The following HEATR5A variants were observed in gnomAD, a reference collection of about 807,000 sequenced individuals.
HEATR5A encodes the protein HEAT repeat-containing protein 5A.
A neutral mutation model predicts 218.8 loss-of-function variants in HEATR5A; 178 were observed. The ratio of observed to expected loss-of-function variants is 0.81; its 90% CI spans 0.72 to 0.92. The LOEUF (loss-of-function observed/expected upper bound fraction) is 0.92, where lower values mean the gene tolerates loss of function less well. HEATR5A is among the 40% of genes least tolerant of loss of function. The pLI is 0.00. For missense variants in HEATR5A, 2,420 were observed against 2,418.9 expected, an observed-to-expected ratio of 1.00 and a Z score of -0.01; for synonymous variants, 864 against 871.6, an observed-to-expected ratio of 0.99 and a Z score of 0.15.
intron 18 of HEATR5A, among the ~76,000 whole-genome samples, chr14:31,349,572 T>C (rs560288341): frequency 6.6e-6 from 1 of 152,348 alleles, no homozygotes; most frequent in African/African-American, 2.4e-5. Context: ...TTCTGATCTT[T>C]CTTATTATAT....
chr14:31,400,315 A>G lies in HEATR5A; in HGVS notation c.324T>C (p.Tyr108=). 1 of 1,533,490 alleles carries G rather than the reference A, an allele frequency of 6.5e-7. No individual in the cohort carries two copies. The highest frequency in any genetic ancestry group is 8.7e-7 in the Non-Finnish European group (1 of 1,144,818). The allele number at this position is 1,533,490 out of a possible 1,614,324, so 95.0% of individuals were successfully genotyped here. A position where few individuals can be genotyped will look rare whatever the true frequency, so the allele number is the denominator to read the frequency against. Residue 108 remains tyrosine, a synonymous_variant, in exon 3 of 36, where the codon TAT becomes TAC. Coordinates refer to ENST00000543095, the MANE Select transcript of HEATR5A (RefSeq NM_015473.4). ...LIRSKDDSPS[Y]LPTKLAAVVC... Reference sequence around the variant, plus strand: ...GTTTCACTTACAGCTTAGTGGGAAGATAACTTGGAGAATCATCTTTGCTAC... The same window carrying G: ...GTTTCACTTACAGCTTAGTGGGAAGGTAACTTGGAGAATCATCTTTGCTAC...
At chr14:31,419,300 G>A (rs1001893513) in intron 1 of HEATR5A, among the ~76,000 whole-genome samples, 2 of 151,806 alleles carry the variant, frequency 1.3e-5, no homozygotes, top group African/African-American at 2.4e-5. Flanking sequence ...AAAAGTCAAT[G>A]GCATTAAAAT....
At chr14:31,346,710 A>T (rs1901034748) in intron 19 of HEATR5A, among the ~76,000 whole-genome samples, 1 of 152,204 alleles carries the variant, frequency 6.6e-6, no homozygotes, top group Non-Finnish European at 1.5e-5. Context: ...AAGTGGCAAG[A>T]TGAAAATCTT....
Position 31,302,294 on chromosome 14 carries a change from C to A in HEATR5A, c.5464+1G>T. The A allele has an allele frequency of 6.3e-7, 1 of 1,581,136 alleles. No homozygotes were observed. Among genetic ancestry groups the A allele is most frequent in the Non-Finnish European group, 8.6e-7 (1 of 1,160,926 alleles). On this transcript the variant is annotated splice_donor_variant, in intron 33 of 35. Coordinates refer to ENST00000543095, the MANE Select transcript of HEATR5A (RefSeq NM_015473.4). LOFTEE classifies it high-confidence loss of function. The stretch of plus-strand genomic sequence containing the variant: ...AACTGCTTCCAAATAGCCTCAATTA[C>A]CTGGATCCCAACAGTCAAGAATTGT...
intron 9 of HEATR5A, among the ~76,000 whole-genome samples, chr14:31,385,567 G>T (rs2030184254): frequency 6.6e-6 from 1 of 152,056 alleles, no homozygotes; most frequent in East Asian, 1.9e-4. Context: ...GGTCGTCAGG[G>T]GCTGCGGCAA....
At chr14:31,406,511 G>C (rs1002801897) in intron 1 of HEATR5A, among the ~76,000 whole-genome samples, 7 of 152,330 alleles carry the variant, frequency 4.6e-5, no homozygotes, top group African/African-American at 1.4e-4. Flanking sequence ...CTATTTTACA[G>C]ATGAGGACAT....
At chr14:31,320,758 T>C (rs1209788719) in intron 25 of HEATR5A, 1 of 341,610 alleles carries the variant, frequency 2.9e-6, no homozygotes. Context: ...GGGCCATTTT[T>C]TTTCCCCCTC....
At position 31,344,082 on chromosome 14, in the gene HEATR5A, A is replaced by G. The variant is rs1900932440; in HGVS notation, c.3059-17T>C. 7.0e-7 allele frequency: 1 copy of G among 1,426,658 alleles called. No individual in the cohort carries two copies. The highest frequency in any genetic ancestry group is 1.4e-5 in the African/African-American group (1 of 69,912). The allele number at this position is 1,426,658 out of a possible 1,614,324, so 88.4% of individuals were successfully genotyped here. A position where few individuals can be genotyped will look rare whatever the true frequency, so the allele number is the denominator to read the frequency against. On this transcript the variant is annotated splice_polypyrimidine_tract_variant and intron_variant, in intron 20 of 35. Transcript: ENST00000543095. The stretch of plus-strand genomic sequence containing the variant: ...TACTGTTACCTAAAATAAAAAGCAG[A>G]AAGCTTTTAATAATTGGCCTATAAA...
intron 4 of HEATR5A, among the ~76,000 whole-genome samples, chr14:31,396,727 T>C (rs1396535496): frequency 2.6e-5 from 4 of 152,222 alleles, no homozygotes; most frequent in Non-Finnish European, 5.9e-5. Context: ...CACTGGTGAG[T>C]GTGGACATCT....
At chr14:31,340,083 T>C (rs1209115696) in intron 21 of HEATR5A, among the ~76,000 whole-genome samples, 1 of 152,194 alleles carries the variant, frequency 6.6e-6, no homozygotes, top group African/African-American at 2.4e-5. Context: ...TGTCTCCATG[T>C]CATTCTCCAG....
chr14:31,343,517 C>T (rs1900911556), intron 21 of HEATR5A, among the ~76,000 whole-genome samples: 1 of 152,066 alleles, frequency 6.6e-6, no homozygotes. Flanking sequence ...TGTTATTTCT[C>T]CATCTGGGAT....
rs115605554 is a variant in HEATR5A at position 31,342,534 on chromosome 14, C to T, written c.3228+1362G>A. 9.9e-3 allele frequency among the ~76,000 whole-genome samples: 1,508 copies of T among 152,274 alleles called. 19 individuals are homozygous for T. Among genetic ancestry groups the T allele is most frequent in the African/African-American group, 0.034 (1,432 of 41,542 alleles). ...TGCCTGAGACATTTGCCTTTACAAG[C>T]AGCATTTTGTGTAATCCTCATGTTT... On this transcript the variant is annotated intron_variant, in intron 21 of 35. Transcript: ENST00000543095.
chr14:31,388,000 G>A (rs73259360), intron 7 of HEATR5A, among the ~76,000 whole-genome samples: 276 of 152,248 alleles, frequency 1.8e-3, no homozygotes, highest in African/African-American at 6.3e-3. Context: ...ACGGCTCCGA[G>A]AGATTTAACA....
chr14:31,370,158 G>A (rs74808258), intron 13 of HEATR5A, among the ~76,000 whole-genome samples: 16,732 of 151,704 alleles, frequency 0.11, 1,295 homozygotes, highest in East Asian at 0.36. Flanking sequence ...CCCGGGAGGC[G>A]GAGGTTGCAG....
chr14:31,340,380 CA>C, intron 21 of HEATR5A: 3 of 1,011,376 alleles, frequency 3.0e-6, no homozygotes, highest in South Asian at 1.4e-5. Context: ...CATCTACAAC[CA>C]AAAAATGACA....
chr14:31,359,641 G>A lies in HEATR5A; in HGVS notation c.2072-584C>T, dbSNP rs146803294. 5.3e-4 allele frequency among the ~76,000 whole-genome samples: 78 copies of A among 146,066 alleles called. 2 individuals are homozygous for A. In the East Asian group the frequency reaches 0.015, roughly 28 times the overall value. ...ACTCAGAGACTGAGGCAGGAAAATC[G>A]CTTGAATCTGGGAGGCAGAGGTTGC... On this transcript the variant is annotated intron_variant, in intron 14 of 35. Transcript: ENST00000543095.
At chr14:31,393,685 C>T (rs2030540226) in intron 6 of HEATR5A, among the ~76,000 whole-genome samples, 1 of 151,050 alleles carries the variant, frequency 6.6e-6, no homozygotes, top group Non-Finnish European at 1.5e-5. Context: ...TGAAGTTTCG[C>T]TTTGTTGTCC....
rs766903477 is a variant in HEATR5A, at chr14:31,323,716, A to G, written c.3636T>C (p.Asp1212=). 1.9e-6 allele frequency: 3 copies of G among 1,613,592 alleles called. No homozygotes were observed. Among genetic ancestry groups the G allele is most frequent in the Admixed American group, 3.3e-5 (2 of 59,968 alleles). The part of the protein sequence containing the change: ...DDASVLTTRR[D]EKSHPFTNPR... Reference sequence around the variant, plus strand: ...GATTGGTAAAAGGATGGGATTTTTCATCACGTCTGGTGGTCAGGACTGAGG... The same window carrying G: ...GATTGGTAAAAGGATGGGATTTTTCGTCACGTCTGGTGGTCAGGACTGAGG... Residue 1212 remains aspartate, a synonymous_variant, in exon 24 of 36, where the codon GAT becomes GAC. Transcript: ENST00000543095.
intron 14 of HEATR5A, among the ~76,000 whole-genome samples, chr14:31,360,145 G>C (rs1901570070): frequency 6.6e-6 from 1 of 151,062 alleles, no homozygotes; most frequent in Non-Finnish European, 1.5e-5. Flanking sequence ...TTCCGTGTTT[G>C]AATCTAGATC....
Sources: allele counts gnomAD v4.1 joint callset (sites outside exome capture counted in the v4.1 genomes callset), GRCh38; gene constraint gnomAD v4.1.1; transcripts MANE v1.5; gene names NCBI Gene and HGNC (gene_info 2026-07-23, HGNC 2026-07-21).